The following SPIRE1 variants were observed in gnomAD, a reference collection of about 807,000 sequenced individuals.
The protein encoded by SPIRE1 is spire type actin nucleation factor 1.
In SPIRE1, 40 loss-of-function variants were observed where a neutral mutation model predicts 94.1. That is an observed-to-expected ratio of 0.43 (90% CI 0.33 to 0.55). The LOEUF (loss-of-function observed/expected upper bound fraction) is 0.55. SPIRE1 is among the 20% of genes least tolerant of loss of function. SPIRE1 has a pLI of 0.06. For missense variants in SPIRE1, 838 were observed against 975.2 expected, an observed-to-expected ratio of 0.86 and a Z score of 1.87; for synonymous variants, 376 against 371.7, an observed-to-expected ratio of 1.01 and a Z score of -0.13.
upstream of SPIRE1, among the ~76,000 whole-genome samples, chr18:12,660,513 G>C (rs1368051813): frequency 6.6e-6 from 1 of 151,880 alleles, no homozygotes; most frequent in Non-Finnish European, 1.5e-5. Flanking sequence ...GTAAAGACAG[G>C]GTTTTACCAT....
chr18:12,659,161 A>G (rs958826819), upstream of SPIRE1, among the ~76,000 whole-genome samples: 3 of 152,238 alleles, frequency 2.0e-5, no homozygotes, highest in Admixed American at 6.5e-5. Flanking sequence ...GAAAGCATCA[A>G]CCAAATAGGC....
At chr18:12,496,215 AG>A in intron 6 of SPIRE1, 113 bp from the exon 7 acceptor site, 1 of 680,994 alleles carries the variant, frequency 1.5e-6, no homozygotes, top group Non-Finnish European at 2.6e-6. Context: ...GTAATTACCA[AG>A]GATACATTTC....
chr18:12,641,454 C>T (rs2038083665), intron 1 of SPIRE1, among the ~76,000 whole-genome samples: 1 of 152,060 alleles, frequency 6.6e-6, no homozygotes, highest in East Asian at 1.9e-4. Flanking sequence ...CTACAACCTC[C>T]GTCTCCAGGG....
chr18:12,524,676 C>T (rs1435034937), intron 4 of SPIRE1, among the ~76,000 whole-genome samples: 1 of 152,086 alleles, frequency 6.6e-6, no homozygotes, highest in Non-Finnish European at 1.5e-5. Flanking sequence ...CAGAATTACA[C>T]ATTAAAGTAA....
intron 5 of SPIRE1, among the ~76,000 whole-genome samples, chr18:12,506,960 T>C (rs2033854481): frequency 6.6e-6 from 1 of 152,130 alleles, no homozygotes; most frequent in African/African-American, 2.4e-5. Flanking sequence ...GGATTATATT[T>C]CCCACACCCT....
chr18:12,644,992 C>T (rs947838496), intron 1 of SPIRE1, among the ~76,000 whole-genome samples: 28 of 151,940 alleles, frequency 1.8e-4, no homozygotes, highest in Non-Finnish European at 2.4e-4. Flanking sequence ...GTACATGTAA[C>T]CCCAGTACTT....
chr18:12,484,100 T>A (rs2032947248), intron 9 of SPIRE1, among the ~76,000 whole-genome samples: 1 of 152,120 alleles, frequency 6.6e-6, no homozygotes, highest in Non-Finnish European at 1.5e-5. Flanking sequence ...TACCTATAGA[T>A]GAGGTGTGTA....
chr18:12,584,519 T>A (rs1246249846), intron 2 of SPIRE1, among the ~76,000 whole-genome samples: 1 of 152,150 alleles, frequency 6.6e-6, no homozygotes, highest in Non-Finnish European at 1.5e-5. Flanking sequence ...TGAACTTGCC[T>A]GTACCAAATA....
intron 2 of SPIRE1, among the ~76,000 whole-genome samples, chr18:12,554,848 T>C (rs868590209): frequency 6.6e-6 from 1 of 152,224 alleles, no homozygotes; most frequent in African/African-American, 2.4e-5. Context: ...GACATAGAAA[T>C]TGATTCTCCC....
intron 2 of SPIRE1, among the ~76,000 whole-genome samples, chr18:12,558,960 C>A (rs1008404195): frequency 1.3e-5 from 2 of 152,224 alleles, no homozygotes; most frequent in Non-Finnish European, 2.9e-5. Context: ...TTACAATCCT[C>A]TAGCTAGACA....
chr18:12,627,525 T>C (rs980215808), intron 2 of SPIRE1, among the ~76,000 whole-genome samples: 4 of 152,204 alleles, frequency 2.6e-5, no homozygotes, highest in African/African-American at 9.6e-5. Flanking sequence ...AACATATGTG[T>C]GCATGTGTCT....
intron 1 of SPIRE1, among the ~76,000 whole-genome samples, chr18:12,651,338 G>A (rs1026811975): frequency 4.6e-5 from 7 of 152,144 alleles, no homozygotes; most frequent in South Asian, 4.2e-4. Flanking sequence ...TGATCAGGAT[G>A]GGAACACAAG....
chr18:12,652,050 A>T (rs941636212), intron 1 of SPIRE1, among the ~76,000 whole-genome samples: 11 of 152,256 alleles, frequency 7.2e-5, no homozygotes, highest in Non-Finnish European at 1.2e-4. Flanking sequence ...GTTAAAATAA[A>T]TGATTGTTGT....
At chr18:12,537,260 A>G (rs1273202341) in intron 3 of SPIRE1, among the ~76,000 whole-genome samples, 1 of 152,346 alleles carries the variant, frequency 6.6e-6, no homozygotes, top group East Asian at 1.9e-4. Context: ...AACATCTTGC[A>G]ATACCGAATT....
At chr18:12,634,312 C>A (rs1305043853) in intron 2 of SPIRE1, among the ~76,000 whole-genome samples, 1 of 150,586 alleles carries the variant, frequency 6.6e-6, no homozygotes, top group East Asian at 1.9e-4. Context: ...AATAACAAAG[C>A]ACCAAATTTA....
intron 2 of SPIRE1, among the ~76,000 whole-genome samples, chr18:12,549,207 G>T (rs978166137): frequency 1.3e-5 from 2 of 152,030 alleles, no homozygotes; most frequent in Non-Finnish European, 2.9e-5. Flanking sequence ...CTGAACCTAG[G>T]GCAGTCACTT....
At position 12,512,464 on chromosome 18, in the gene SPIRE1, T is replaced by C. The variant is rs752673186; in HGVS notation, c.797A>G (p.Asn266Ser). 3 of 1,610,240 alleles carry C rather than the reference T, an allele frequency of 1.9e-6. No individual in the cohort carries two copies. The Admixed American group carries it at 5.0e-5, about 27-fold the overall frequency. Reference sequence around the variant, plus strand: ...ATTTCCAGCTCTTACCCAGTCAGCGTTTTTCAGCTCTTCCAAGTCTGTGCT... The same window carrying C: ...ATTTCCAGCTCTTACCCAGTCAGCGCTTTTCAGCTCTTCCAAGTCTGTGCT... ...ESSTDLEELKNADWARFWVQV... is the reference protein window; with the variant it reads ...ESSTDLEELKSADWARFWVQV... The change falls in exon 5 of 17, where the codon AAC becomes AGC. Residue 266 changes from asparagine (N) to serine (S), a missense_variant. Coordinates refer to ENST00000409402, the MANE Select transcript of SPIRE1 (RefSeq NM_001128626.2).
intron 8 of SPIRE1, among the ~76,000 whole-genome samples, chr18:12,488,963 A>C (rs1457210378): frequency 3.9e-5 from 6 of 152,094 alleles, no homozygotes; most frequent in African/African-American, 1.2e-4. Context: ...AGACGGGTGG[A>C]TCATGAGGTC....
chr18:12,625,119 CTA>C (rs1290320658), intron 2 of SPIRE1, among the ~76,000 whole-genome samples: 1 of 152,148 alleles, frequency 6.6e-6, no homozygotes, highest in Non-Finnish European at 1.5e-5. Context: ...ATGTCCTAGT[CTA>C]TGTCTGATAC....
Sources: gnomAD v4.1 joint callset for allele counts (sites outside exome capture counted in the v4.1 genomes callset) on GRCh38, gnomAD v4.1.1 for gene constraint, MANE v1.5 for transcripts, NCBI Gene and HGNC (gene_info 2026-07-23, HGNC 2026-07-21) for gene names.